The following PNPLA7 variants were observed in gnomAD, a reference collection of about 807,000 sequenced individuals.
PNPLA7 encodes patatin-like phospholipase domain-containing protein 7.
In PNPLA7, 153 loss-of-function variants were observed where a neutral mutation model predicts 161.7. That is an observed-to-expected ratio of 0.95 (90% CI 0.83 to 1.08). PNPLA7 has a LOEUF of 1.08. Among genes scored for constraint, PNPLA7 ranks in the 50% least tolerant of loss-of-function variants. PNPLA7 has a pLI of 0.00. For synonymous variants in PNPLA7, 809 were observed against 782.1 expected, an observed-to-expected ratio of 1.03 and a Z score of -0.57; for missense variants, 1,739 against 1,856.6, an observed-to-expected ratio of 0.94 and a Z score of 1.16.
intron 33 of PNPLA7, chr9:137,461,046 G>A (rs1588520298): frequency 2.5e-6 from 1 of 404,154 alleles, no homozygotes; most frequent in South Asian, 2.7e-5. Flanking sequence ...ACTGTGGATA[G>A]GGGCTGCCTT....
intron 28 of PNPLA7, 33 bp from the exon 29 acceptor site, chr9:137,463,564 G>A (rs750587034): frequency 8.7e-6 from 13 of 1,494,054 alleles, no homozygotes; most frequent in East Asian, 2.4e-5. Flanking sequence ...CTGGTTACCC[G>A]GAGGAGGCTC....
chr9:137,494,544 C>T (rs1224331549), intron 19 of PNPLA7, among the ~76,000 whole-genome samples: 2 of 152,222 alleles, frequency 1.3e-5, no homozygotes, highest in Non-Finnish European at 2.9e-5. Flanking sequence ...CCGCACCACC[C>T]TCACCCGCGC....
chr9:137,547,806 G>A lies in PNPLA7; in HGVS notation c.31-147C>T, dbSNP rs944639317. On this transcript the variant is annotated intron_variant, in intron 1 of 34. Transcript: ENST00000406427. The surrounding 1 kb of genome is among the most constrained non-coding windows in gnomAD (Gnocchi z 4.6). ...AAGAAGTGATCTCGCCCGGGGTGCC[G>A]GGGTCCTCTGAGCCCCCTGCTAGGA... 1.5e-5 allele frequency: 11 copies of A among 749,598 alleles called. No homozygotes were observed. The highest frequency in any genetic ancestry group is 8.4e-5 in the South Asian group (5 of 59,206). 46.4% of individuals were successfully genotyped at this position (749,598 alleles called of 1,614,324 possible).
At chr9:137,549,293 C>G (rs149869759) in intron 1 of PNPLA7, among the ~76,000 whole-genome samples, 1 of 151,936 alleles carries the variant, frequency 6.6e-6, no homozygotes, top group African/African-American at 2.4e-5. Context: ...CTAGGCCGGG[C>G]ACGGTGGCTC....
At chr9:137,503,787 A>AAGG (rs1833677599) in intron 14 of PNPLA7, among the ~76,000 whole-genome samples, 1 of 10,270 alleles carries the variant, frequency 9.7e-5, no homozygotes, top group African/African-American at 6.4e-4. Context: ...AAGAAAGAAG[A>AAGG]GAATGAAGAA....
rs1453059438 is a variant in PNPLA7 at position 137,464,167 on chromosome 9, G to A, written c.3185C>T (p.Thr1062Ile). The A allele has an allele frequency of 4.3e-6, 7 of 1,613,768 alleles. No individual in the cohort carries two copies. Among genetic ancestry groups the A allele is most frequent in the Non-Finnish European group, 4.2e-6 (5 of 1,179,994 alleles). The change falls in exon 28 of 35, where the codon ACC becomes ATC. Residue 1062 changes from threonine (T) to isoleucine (I), a missense_variant. Coordinates refer to ENST00000406427, the MANE Select transcript of PNPLA7 (RefSeq NM_001098537.3). ...CATGGCCGAGGCTGTGATGTCGGTG[G>A]TGATGGCGAAATAAGGAATCCACAG... The part of the protein sequence containing the change: ...EDLWIPYFAI[T>I]TDITASAMRV...
Position 137,541,087 on chromosome 9 carries a change from T to C in PNPLA7, c.667-365A>G. ...CAGCCTAAATTCCAGAACTTTGATA[T>C]AATTTTCCATTAGGTAAAAAAAGAA... On this transcript the variant is annotated intron_variant, in intron 7 of 34. Coordinates refer to ENST00000406427, the MANE Select transcript of PNPLA7 (RefSeq NM_001098537.3). This position sits in a 1 kb window ranked among gnomAD's most constrained non-coding sequence, Gnocchi z 4.4. Among the ~76,000 whole-genome samples the C allele has an allele frequency of 6.6e-6, 1 of 152,222 alleles. No homozygotes were observed. The highest frequency in any genetic ancestry group is 1.9e-4 in the East Asian group (1 of 5,196).
At chr9:137,517,699 T>C (rs1259558756) in intron 11 of PNPLA7, among the ~76,000 whole-genome samples, 3 of 79,348 alleles carry the variant, frequency 3.8e-5, no homozygotes, top group Non-Finnish European at 4.8e-5. Context: ...CTCCACTCTG[T>C]CCACTCCATC....
chr9:137,467,291 G>A lies in PNPLA7; in HGVS notation c.3039+26C>T, dbSNP rs368785168. ...AGCAAGGACCTGGGGGCTGTGCTCC[G>A]GTGAGGGTGATGGGTGCCTGCTTAC... On this transcript the variant is annotated intron_variant, in intron 26 of 34. Transcript: ENST00000406427. The surrounding 1 kb of genome is among the most constrained non-coding windows in gnomAD (Gnocchi z 5.1). 4.6e-5 allele frequency: 73 copies of A among 1,598,876 alleles called. No individual in the cohort carries two copies. The highest frequency in any genetic ancestry group is 3.8e-4 in the Admixed American group (22 of 58,536).
At chr9:137,519,532 T>A (rs542714832) in intron 11 of PNPLA7, among the ~76,000 whole-genome samples, 11 of 152,214 alleles carry the variant, frequency 7.2e-5, no homozygotes, top group African/African-American at 2.6e-4. Context: ...TTTGAGGACA[T>A]CCAGCCCACA....
At chr9:137,471,795 T>C (rs571944352) in intron 25 of PNPLA7, among the ~76,000 whole-genome samples, 17 of 152,082 alleles carry the variant, frequency 1.1e-4, no homozygotes, top group African/African-American at 3.9e-4. Context: ...TGTCGACTAA[T>C]GATGTACAGA....
intron 22 of PNPLA7, 121 bp downstream of exon 22, chr9:137,480,839 C>T (rs536004686): frequency 5.4e-6 from 6 of 1,106,638 alleles, no homozygotes; most frequent in Non-Finnish European, 6.6e-6. Context: ...GCCCTCACAC[C>T]ACAGTGTGCT....
At chr9:137,512,099 T>G (rs1240360595) in intron 12 of PNPLA7, among the ~76,000 whole-genome samples, 1 of 152,298 alleles carries the variant, frequency 6.6e-6, no homozygotes, top group East Asian at 1.9e-4. Context: ...CTTAGTCTCG[T>G]GTCTTATTTT....
chr9:137,498,313 G>A (rs1833180375), intron 16 of PNPLA7, 68 bp from the exon 17 acceptor site: 1 of 1,582,462 alleles, frequency 6.3e-7, no homozygotes, highest in African/African-American at 1.3e-5. Context: ...GGGCCGCAGT[G>A]CTCGGGAATG....
intron 14 of PNPLA7, among the ~76,000 whole-genome samples, chr9:137,502,363 A>AATG (rs1833483220): frequency 6.6e-6 from 1 of 151,988 alleles, no homozygotes; most frequent in Non-Finnish European, 1.5e-5. Flanking sequence ...ATCTTTGGAA[A>AATG]ATGATCGAAA....
intron 27 of PNPLA7, 60 bp downstream of exon 27, chr9:137,464,280 G>A (rs2132063663): frequency 1.9e-6 from 3 of 1,604,494 alleles, no homozygotes; most frequent in Non-Finnish European, 2.6e-6. Flanking sequence ...GCCAAGAGGT[G>A]GGGGGCCAGG....
chr9:137,466,125 G>A (rs941421865), intron 26 of PNPLA7, among the ~76,000 whole-genome samples: 5 of 152,108 alleles, frequency 3.3e-5, no homozygotes, highest in Admixed American at 3.3e-4. Flanking sequence ...ACAGCCCCAC[G>A]GCCCCCAGCG....
chr9:137,516,355 G>A (rs1834570484), intron 11 of PNPLA7: 5 of 984,824 alleles, frequency 5.1e-6, no homozygotes, highest in Non-Finnish European at 6.0e-6. Context: ...GGCTGAAGGA[G>A]GCTGCCCTGC....
chr9:137,526,989 C>T (rs988378090), intron 8 of PNPLA7, among the ~76,000 whole-genome samples: 3 of 152,100 alleles, frequency 2.0e-5, no homozygotes, highest in Non-Finnish European at 4.4e-5. Context: ...ACACACTTGG[C>T]CAGGCATGGT....
Sources: gnomAD v4.1 joint callset for allele counts (sites outside exome capture counted in the v4.1 genomes callset) on GRCh38, gnomAD v4.1.1 for gene constraint, Gnocchi (gnomAD v3.1) non-coding constraint, MANE v1.5 for transcripts, NCBI Gene and HGNC (gene_info 2026-07-23, HGNC 2026-07-21) for gene names.